Variants in AKAP3 observed in about 807,000 individuals in gnomAD.
AKAP3 encodes A-kinase anchor protein 3.
In AKAP3, 27 loss-of-function variants were observed where a neutral mutation model predicts 57.2. That is an observed-to-expected ratio of 0.47 (90% confidence interval 0.35 to 0.65). The LOEUF is 0.65. Among genes scored for constraint, AKAP3 ranks in the 30% least tolerant of loss-of-function variants. The pLI is 0.01. For missense variants in AKAP3, 959 were observed against 1,040.0 expected, an observed-to-expected ratio of 0.92 and a Z score of 1.07; for synonymous variants, 334 against 392.3, an observed-to-expected ratio of 0.85 and a Z score of 1.76.
chr12:4,637,967 G>T, intron 4 of AKAP3, 134 bp downstream of exon 4: 1 of 786,416 alleles, frequency 1.3e-6, no homozygotes, highest in Non-Finnish European at 2.2e-6. Flanking sequence ...TTCTATAAGG[G>T]CTGATTTCCC....
chr12:4,615,731 G>A lies in AKAP3; in HGVS notation c.*8C>T. The A allele has an allele frequency of 6.2e-7, 1 of 1,612,312 alleles. No individual in the cohort carries two copies. The highest frequency in any genetic ancestry group is 8.5e-7 in the Non-Finnish European group (1 of 1,178,658). ...TGCCAGAAGAGGGGAAAGCAGTGGG[G>A]TTGCCGATTACAGGTTCACCATCAG... On this transcript the variant is annotated 3_prime_UTR_variant, in exon 6 of 6. Coordinates refer to ENST00000228850, the MANE Select transcript of AKAP3 (RefSeq NM_001278309.2).
intron 3 of AKAP3, among the ~76,000 whole-genome samples, chr12:4,641,088 T>TTC: frequency 8.1e-6 from 1 of 122,770 alleles, no homozygotes; most frequent in South Asian, 2.8e-4. Flanking sequence ...TTTTTTTTTT[T>TTC]TGGTGACAAA....
At chr12:4,644,089 T>C (rs755579478) in intron 2 of AKAP3, among the ~76,000 whole-genome samples, 2 of 152,196 alleles carry the variant, frequency 1.3e-5, no homozygotes, top group Non-Finnish European at 2.9e-5. Context: ...AATAAGAATT[T>C]CAATCGATTT....
chr12:4,638,203 GC>G lies in AKAP3; in HGVS notation c.1-8del. ...AGTCAACCTTTTCTGACATCTGGAAGCAGGGGAAAAAAATGAGAAAGGGTCA... is the reference window on the plus strand; with the variant it reads ...AGTCAACCTTTTCTGACATCTGGAAGAGGGGAAAAAAATGAGAAAGGGTCA... On this transcript the variant is annotated splice_polypyrimidine_tract_variant and splice_region_variant and intron_variant, in intron 3 of 5. Coordinates refer to ENST00000228850, the MANE Select transcript of AKAP3 (RefSeq NM_001278309.2). 1 of 1,591,030 alleles carries G rather than the reference GC, an allele frequency of 6.3e-7. No individual in the cohort carries two copies.
intron 5 of AKAP3, among the ~76,000 whole-genome samples, chr12:4,623,403 T>C (rs1209998762): frequency 2.0e-5 from 3 of 152,208 alleles, no homozygotes; most frequent in Middle Eastern, 3.2e-3. Context: ...GTGGTACATA[T>C]ACACCATGGA....
chr12:4,616,234 T>C (rs1441122344), intron 5 of AKAP3, among the ~76,000 whole-genome samples: 2 of 152,124 alleles, frequency 1.3e-5, no homozygotes, highest in East Asian at 3.9e-4. Flanking sequence ...CCATGCCCCA[T>C]AGACCACAGA....
At position 4,627,049 on chromosome 12, in the gene AKAP3, G is replaced by C. The variant is rs146079915; in HGVS notation, c.1853C>G (p.Pro618Arg). The C allele has an allele frequency of 2.5e-6, 4 of 1,613,824 alleles. No homozygotes were observed. In the African/African-American group the frequency reaches 5.3e-5, roughly 22 times the overall value. The change falls in exon 5 of 6, where the codon CCG (proline) becomes CGG (arginine). Residue 618 changes from proline to arginine, a missense_variant. Physicochemically the swap from Pro to Arg is moderately radical, Grantham distance 103 (BLOSUM62 -2). Coordinates refer to ENST00000228850, the MANE Select transcript of AKAP3 (RefSeq NM_001278309.2). ...CCTATCTTCCTTAACTGGCTGTTCC[G>C]GCACCTTGGGTTCAGGGCTCTGGTC... is the stretch of plus-strand genomic sequence containing the variant. ...KRDQSPEPKVPEQPVKEDRKL... is the reference protein window; with the variant it reads ...KRDQSPEPKVREQPVKEDRKL...
chr12:4,628,725 A>G lies in AKAP3; in HGVS notation c.177T>C (p.Val59=), dbSNP rs1945460739. ...LEKSTAEFQD[V]RFKPGESFGG... ...CAAATGATTCTCCGGGTTTGAACCG[A>G]ACATCTTGGAACTCTGCTGTACTCT... The change falls in exon 5 of 6, where the codon GTT becomes GTC. Residue 59 remains valine (V), a synonymous_variant. Coordinates refer to ENST00000228850, the MANE Select transcript of AKAP3 (RefSeq NM_001278309.2). 6.2e-7 allele frequency: 1 copy of G among 1,614,096 alleles called. No individual in the cohort carries two copies. Among genetic ancestry groups the G allele is most frequent in the African/African-American group, 1.3e-5 (1 of 74,942 alleles).
chr12:4,620,814 G>C (rs1945339476), intron 5 of AKAP3, among the ~76,000 whole-genome samples: 1 of 152,170 alleles, frequency 6.6e-6, no homozygotes, highest in Non-Finnish European at 1.5e-5. Context: ...ATAGTGGATA[G>C]TACTTCATAA....
intron 4 of AKAP3, chr12:4,635,962 C>A: frequency 8.9e-7 from 1 of 1,127,796 alleles, no homozygotes; most frequent in Non-Finnish European, 1.3e-6. Flanking sequence ...GCCCATATTT[C>A]ACAAAGAAAC....
rs1945684421 is a variant in AKAP3 at position 4,645,202 on chromosome 12, G to A, written c.-244-10C>T. The A allele has an allele frequency of 6.6e-6, 1 of 152,230 alleles. No homozygotes were observed. Among genetic ancestry groups the A allele is most frequent in the South Asian group, 2.1e-4 (1 of 4,830 alleles). The allele number at this position is 152,230 out of a possible 1,614,324, so 9.4% of individuals were successfully genotyped here. A position where few individuals can be genotyped will look rare whatever the true frequency, so the allele number is the denominator to read the frequency against. On this transcript the variant is annotated splice_polypyrimidine_tract_variant and intron_variant, in intron 1 of 5. Coordinates refer to ENST00000228850, the MANE Select transcript of AKAP3 (RefSeq NM_001278309.2). ...CTCCCCCTTGCTGGGACTGGAGAGT[G>A]ACATCAGAATCACAATTGGTGATAT...
At chr12:4,617,456 AAAATATATTT>A (rs1945298478) in intron 5 of AKAP3, among the ~76,000 whole-genome samples, 1 of 152,240 alleles carries the variant, frequency 6.6e-6, no homozygotes, top group Non-Finnish European at 1.5e-5. Flanking sequence ...TCAGTTCTTT[AAAATATATTT>A]TAAGGGCCGG....
intron 5 of AKAP3, among the ~76,000 whole-genome samples, chr12:4,622,876 T>C (rs1945362769): frequency 6.6e-6 from 1 of 152,078 alleles, no homozygotes; most frequent in Admixed American, 6.5e-5. Flanking sequence ...TTGCAAACTA[T>C]GCATCTGACA....
intron 5 of AKAP3, 55 bp from the exon 6 acceptor site, chr12:4,615,949 G>C: frequency 6.2e-7 from 1 of 1,605,692 alleles, no homozygotes. Flanking sequence ...TGGCAGGCCA[G>C]ATGGAGCCTG....
At chr12:4,635,965 A>G in intron 4 of AKAP3, 1 of 1,167,836 alleles carries the variant, frequency 8.6e-7, no homozygotes, top group East Asian at 2.5e-5. Flanking sequence ...CATATTTCAC[A>G]AAGAAACAGC....
intron 5 of AKAP3, among the ~76,000 whole-genome samples, chr12:4,617,074 A>G (rs999131607): frequency 6.6e-6 from 1 of 152,168 alleles, no homozygotes; most frequent in African/African-American, 2.4e-5. Flanking sequence ...AAAAGAAAAA[A>G]ATCTTAAAAG....
chr12:4,615,598 A>T lies in AKAP3; in HGVS notation c.*141T>A. 9.2e-7 allele frequency: 1 copy of T among 1,088,746 alleles called. No individual in the cohort carries two copies. The highest frequency in any genetic ancestry group is 2.7e-5 in the East Asian group (1 of 37,482). 67.4% of individuals were successfully genotyped at this position (1,088,746 alleles called of 1,614,324 possible). A position where few individuals can be genotyped will look rare whatever the true frequency, so the allele number is the denominator to read the frequency against. On this transcript the variant is annotated 3_prime_UTR_variant, in exon 6 of 6. Transcript: ENST00000228850. The stretch of plus-strand genomic sequence containing the variant: ...AAAATCCAGTGGCTAGCACAAGATG[A>T]CATGTCTTTGATGAGAGTGGTGTGA...
intron 1 of AKAP3, chr12:4,645,639 C>T (rs1945689854): frequency 6.6e-6 from 1 of 152,092 alleles, no homozygotes; most frequent in South Asian, 2.1e-4. Flanking sequence ...ACACTTTCCA[C>T]AATAGGGTTC....
At chr12:4,634,800 C>T (rs969369971) in intron 4 of AKAP3, among the ~76,000 whole-genome samples, 1 of 151,118 alleles carries the variant, frequency 6.6e-6, no homozygotes, top group East Asian at 1.9e-4. Context: ...TCTTTCCAGC[C>T]CCCACCTTTT....
Sources: gnomAD v4.1 joint callset for allele counts (sites outside exome capture counted in the v4.1 genomes callset) on GRCh38, gnomAD v4.1.1 for gene constraint, MANE v1.5 for transcripts, NCBI Gene and HGNC (gene_info 2026-07-23, HGNC 2026-07-21) for gene names.